Variants in ACACB observed in about 807,000 individuals in gnomAD.
ACACB encodes acetyl-CoA carboxylase beta, also known as acetyl-CoA carboxylase 2.
A neutral mutation model predicts 278.8 loss-of-function variants in ACACB; 209 were observed. The observed-to-expected ratio is 0.75, with a 90% CI of 0.67 to 0.84. The LOEUF (loss-of-function observed/expected upper bound fraction) is 0.84, where lower values mean the gene tolerates loss of function less well. Ranked by LOEUF, ACACB falls within the 40% of genes least tolerant of loss-of-function variation. The pLI, the probability that ACACB is intolerant of heterozygous loss-of-function variation, is 0.00. For missense variants in ACACB, 2,850 were observed against 3,269.0 expected (o/e 0.87, Z 3.13); for synonymous variants, 1,174 against 1,285.6 (o/e 0.91, Z 1.86).
intron 28 of ACACB, among the ~76,000 whole-genome samples, chr12:109,231,997 A>G: frequency 6.6e-6 from 1 of 152,176 alleles, no homozygotes; most frequent in East Asian, 1.9e-4. Context: ...CCCCAAGTCC[A>G]AGTTCCCAGA....
At chr12:109,211,974 A>C (rs1242241647) in intron 21 of ACACB, among the ~76,000 whole-genome samples, 2 of 152,194 alleles carry the variant, frequency 1.3e-5, no homozygotes, top group Admixed American at 6.6e-5. Context: ...TGATAAAGAC[A>C]GGACCCTTCC....
chr12:109,215,051 G>T (rs2136457799), intron 22 of ACACB, among the ~76,000 whole-genome samples: 1 of 151,416 alleles, frequency 6.6e-6, no homozygotes, highest in Non-Finnish European at 1.5e-5. Context: ...AGCTGTGATT[G>T]CACCACTGCA....
chr12:109,210,477 GTA>G (rs1372435896), intron 21 of ACACB, among the ~76,000 whole-genome samples: 8 of 145,678 alleles, frequency 5.5e-5, no homozygotes, highest in South Asian at 2.1e-4. Context: ...ACATACATGT[GTA>G]TATGTGTATA....
At chr12:109,207,792 C>T (rs1209175325) in intron 20 of ACACB, among the ~76,000 whole-genome samples, 7 of 152,214 alleles carry the variant, frequency 4.6e-5, no homozygotes, top group Non-Finnish European at 1.0e-4. Context: ...GATTCTCCTG[C>T]CTCAGCCTCC....
In ACACB at chr12:109,166,918, C is replaced by T; in HGVS notation, c.711C>T (p.Asp237=). 2 of 1,614,046 alleles carry T rather than the reference C, an allele frequency of 1.2e-6. No individual in the cohort carries two copies. The highest frequency in any genetic ancestry group is 1.6e-4 in the Middle Eastern group (1 of 6,062). ...GGGGACGGGAACACAAGAAGCTGGACCTGCACAGAGACTTTACCGTGGCTT... is the reference window on the plus strand; with the variant it reads ...GGGGACGGGAACACAAGAAGCTGGATCTGCACAGAGACTTTACCGTGGCTT... ...VKRGREHKKL[D]LHRDFTVASP... The change falls in exon 3 of 53, where the codon GAC becomes GAT. Residue 237 remains aspartate, a synonymous_variant. Coordinates refer to ENST00000338432, the MANE Select transcript of ACACB (RefSeq NM_001093.4).
At position 109,253,050 on chromosome 12, in the gene ACACB, G is replaced by A; in HGVS notation, c.5937G>A (p.Gln1979=). The change falls in exon 43 of 53, where the codon CAG becomes CAA. Residue 1979 remains glutamine (Q), a synonymous_variant. Transcript: ENST00000338432. ...GAGAGGTCTACACATCCAACAACCAGCTGGGTGGCGTTCAGATCATGCATT... is the reference window on the plus strand; with the variant it reads ...GAGAGGTCTACACATCCAACAACCAACTGGGTGGCGTTCAGATCATGCATT... ...LGREVYTSNN[Q]LGGVQIMHYN... is the part of the protein sequence containing the mutation. 1 of 1,612,882 alleles carries A rather than the reference G, an allele frequency of 6.2e-7. No homozygotes were observed. Among genetic ancestry groups the A allele is most frequent in the Non-Finnish European group, 8.5e-7 (1 of 1,179,390 alleles).
intron 43 of ACACB, among the ~76,000 whole-genome samples, chr12:109,253,588 T>C (rs771862013): frequency 6.6e-6 from 1 of 152,194 alleles, no homozygotes. Flanking sequence ...ACCTAACTCA[T>C]GGTGTTATCA....
upstream of ACACB, among the ~76,000 whole-genome samples, chr12:109,113,626 T>C (rs2042349947): frequency 1.4e-5 from 2 of 141,192 alleles, no homozygotes; most frequent in Non-Finnish European, 3.0e-5. Flanking sequence ...GCTAGTATGC[T>C]TGCATTATTA....
rs752418463 is a variant in ACACB at position 109,168,030 on chromosome 12, C to T, written c.921C>T (p.Asn307=). 79 of 1,607,254 alleles carry T rather than the reference C, an allele frequency of 4.9e-5. No individual in the cohort carries two copies. Among genetic ancestry groups the T allele is most frequent in the East Asian group, 9.0e-5 (4 of 44,400 alleles). The change falls in exon 4 of 53, where the codon AAC becomes AAT. Residue 307 remains asparagine (N), a synonymous_variant. Coordinates refer to ENST00000338432, the MANE Select transcript of ACACB (RefSeq NM_001093.4). Reference sequence around the variant, plus strand: ...TGACCCCCGAGGACCTTAAGGCCAACGCAGGTACCTGGGCCTTGACCCTCT... The same window carrying T: ...TGACCCCCGAGGACCTTAAGGCCAATGCAGGTACCTGGGCCTTGACCCTCT... ...VMVTPEDLKA[N]AEYIKMADHY... is the part of the protein sequence containing the mutation.
intron 37 of ACACB, chr12:109,242,814 A>G: frequency 2.0e-6 from 1 of 505,834 alleles, no homozygotes; most frequent in South Asian, 3.0e-5. Flanking sequence ...AAATATACAA[A>G]AATTAACCGG....
At chr12:109,173,065 G>T (rs2044169775) in intron 6 of ACACB, among the ~76,000 whole-genome samples, 1 of 152,128 alleles carries the variant, frequency 6.6e-6, no homozygotes. Flanking sequence ...ACTAACACAG[G>T]AACAGAAAAC....
At chr12:109,162,459 C>T (rs140079118) in intron 2 of ACACB, among the ~76,000 whole-genome samples, 2 of 152,106 alleles carry the variant, frequency 1.3e-5, no homozygotes, top group Non-Finnish European at 2.9e-5. Context: ...AGGAGGGTAC[C>T]AAAATGAGAA....
At chr12:109,262,163 G>A (rs1306629830) in intron 48 of ACACB, among the ~76,000 whole-genome samples, 194 bp from the exon 49 acceptor site, 2 of 152,152 alleles carry the variant, frequency 1.3e-5, no homozygotes, top group African/African-American at 4.8e-5. Context: ...CTTTCCATCT[G>A]TGGGTAAAGA....
At position 109,265,596 on chromosome 12, in the gene ACACB, C is replaced by T. The variant is rs756224295; in HGVS notation, c.7250+71C>T. ...GAGCCTGGATTGACCCCTAGCTACCCGACTCCTATGCAGCCACTTGAACCC... is the reference window on the plus strand; with the variant it reads ...GAGCCTGGATTGACCCCTAGCTACCTGACTCCTATGCAGCCACTTGAACCC... On this transcript the variant is annotated intron_variant, in intron 52 of 52. Coordinates refer to ENST00000338432, the MANE Select transcript of ACACB (RefSeq NM_001093.4). The T allele has an allele frequency of 1.8e-5, 28 of 1,558,170 alleles. 1 individual carries two copies. Among genetic ancestry groups the T allele is most frequent in the Middle Eastern group, 4.0e-4 (2 of 4,970 alleles).
Position 109,199,297 on chromosome 12 carries a change from T to C in ACACB, c.2628-105T>C. On this transcript the variant is annotated intron_variant, in intron 17 of 52. Coordinates refer to ENST00000338432, the MANE Select transcript of ACACB (RefSeq NM_001093.4). ...TGCCACCCTTTGGGAATGTAGAGGG[T>C]ACACTCCCCCTTTAGGAAGGGGAAA... is the stretch of plus-strand genomic sequence containing the variant. 3.9e-6 allele frequency: 4 copies of C among 1,027,214 alleles called. No individual in the cohort carries two copies. The South Asian group carries it at 1.3e-4, about 33-fold the overall frequency. 63.6% of individuals were successfully genotyped at this position (1,027,214 alleles called of 1,614,324 possible).
chr12:109,257,797 C>A (rs1186760441), intron 45 of ACACB, among the ~76,000 whole-genome samples: 1 of 152,186 alleles, frequency 6.6e-6, no homozygotes, highest in Non-Finnish European at 1.5e-5. Flanking sequence ...TCTCAAACTC[C>A]TGGACTCAAG....
Position 109,167,923 on chromosome 12 carries a change from G to A in ACACB, c.814G>A (p.Ala272Thr), listed in dbSNP as rs775622765. Reference sequence around the variant, plus strand: ...GCTTATTGCCAACAACGGGATTGCCGCCGTGAAGTGCATGCGCTCCATCCG... The same window carrying A: ...GCTTATTGCCAACAACGGGATTGCCACCGTGAAGTGCATGCGCTCCATCCG... ...KVLIANNGIAAVKCMRSIRRW... is the reference protein window; with the variant it reads ...KVLIANNGIATVKCMRSIRRW... Residue 272 changes from alanine to threonine, a missense_variant, in exon 4 of 53, where the codon GCC becomes ACC. Physicochemically the swap from Ala to Thr is moderately conservative, Grantham distance 58. This residue lies in a region of ACACB where 2,265 missense variants were observed against 2,561.3 expected (regional missense o/e 0.88). Coordinates refer to ENST00000338432, the MANE Select transcript of ACACB (RefSeq NM_001093.4). 16 of 1,613,724 alleles carry A rather than the reference G, an allele frequency of 9.9e-6. No homozygotes were observed. The highest frequency in any genetic ancestry group is 4.0e-5 in the African/African-American group (3 of 74,824).
intron 21 of ACACB, among the ~76,000 whole-genome samples, chr12:109,210,715 G>A (rs1183383470): frequency 6.6e-6 from 1 of 151,300 alleles, no homozygotes; most frequent in Admixed American, 6.6e-5. Context: ...AGGAGTTCGA[G>A]ACCAGCCTGG....
chr12:109,150,675 C>T (rs568670426), intron 2 of ACACB, among the ~76,000 whole-genome samples: 106 of 152,302 alleles, frequency 7.0e-4, no homozygotes, highest in African/African-American at 2.4e-3. Flanking sequence ...GACCTGGCAT[C>T]GCCCCCACTT....
Sources: gnomAD v4.1 joint callset for allele counts (sites outside exome capture counted in the v4.1 genomes callset) on GRCh38, gnomAD v4.1.1 for gene constraint, gnomAD v4.1.1 regional missense constraint, MANE v1.5 for transcripts, NCBI Gene and HGNC (gene_info 2026-07-23, HGNC 2026-07-21) for gene names.